PXN: variants seen among roughly 807,000 people sequenced by gnomAD.
PXN encodes testicular tissue protein Li 134.
A neutral mutation model predicts 103.6 loss-of-function variants in PXN; 61 were observed. That is an observed-to-expected ratio of 0.59 (90% confidence interval 0.48 to 0.73). PXN has a LOEUF of 0.73. Among genes scored for constraint, PXN ranks in the 30% least tolerant of loss-of-function variants. PXN has a pLI of 0.00. For missense variants in PXN, 1,274 were observed against 1,460.3 expected (o/e 0.87, Z 2.08); for synonymous variants, 562 against 607.8 (o/e 0.92, Z 1.11).
intron 1 of PXN, among the ~76,000 whole-genome samples, chr12:120,245,584 A>G (rs532675515): frequency 3.7e-4 from 56 of 151,918 alleles, no homozygotes; most frequent in African/African-American, 1.2e-3. Flanking sequence ...TCAGGAGATC[A>G]AGACCATCCT....
chr12:120,257,895 T>C (rs192831317), intron 1 of PXN, among the ~76,000 whole-genome samples: 230 of 152,260 alleles, frequency 1.5e-3, no homozygotes, highest in Middle Eastern at 3.4e-3. Flanking sequence ...CCCTGAATTA[T>C]GTAAAGCCTT....
Position 120,213,926 on chromosome 12 carries a change from C to A in PXN, c.2895G>T (p.Lys965Asn). ...RKDYFDMFAP[K>N]CGGCARAILE... ...GGATGGCCCGGGCGCAGCCGCCACA[C>A]TTGGGTGCGAACATGTCGAAGTAGT... The change falls in exon 14 of 15, where the codon AAG becomes AAT. Residue 965 changes from lysine to asparagine, a missense_variant. Around this residue, in one of 2 missense-constraint regions of PXN, gnomAD observed 1,178 missense variants for 1,309.0 expected, o/e 0.90. Coordinates refer to ENST00000637617, the MANE Select transcript of PXN (RefSeq NM_001385981.1). This position sits in a 1 kb window ranked among gnomAD's most constrained non-coding sequence, Gnocchi z 4.2. 1 of 1,612,426 alleles carries A rather than the reference C, an allele frequency of 6.2e-7. No individual in the cohort carries two copies. The highest frequency in any genetic ancestry group is 1.3e-5 in the African/African-American group (1 of 75,038).
At chr12:120,252,005 G>T (rs1055527554) in intron 1 of PXN, among the ~76,000 whole-genome samples, 1 of 152,108 alleles carries the variant, frequency 6.6e-6, no homozygotes, top group Non-Finnish European at 1.5e-5. Context: ...GGAGACCAAG[G>T]CTCAGAGTGT....
intron 1 of PXN, chr12:120,227,089 G>C: frequency 2.0e-6 from 2 of 986,042 alleles, no homozygotes; most frequent in South Asian, 9.3e-5. Context: ...TTTCTGGGTA[G>C]AATATGAGCA....
intron 1 of PXN, among the ~76,000 whole-genome samples, chr12:120,260,195 T>A (rs962238891): frequency 2.0e-5 from 3 of 152,132 alleles, no homozygotes; most frequent in Admixed American, 2.0e-4. Context: ...CTGCATCCCA[T>A]CCTGAGTGTG....
intron 1 of PXN, among the ~76,000 whole-genome samples, chr12:120,243,242 G>A (rs947116314): frequency 1.3e-5 from 2 of 152,170 alleles, no homozygotes; most frequent in Non-Finnish European, 2.9e-5. Context: ...TCTTCAACGA[G>A]AGGATAAAAA....
At chr12:120,261,706 T>C (rs1033439543) in intron 1 of PXN, among the ~76,000 whole-genome samples, 5 of 151,988 alleles carry the variant, frequency 3.3e-5, no homozygotes, top group African/African-American at 7.2e-5. Flanking sequence ...CAGCCAAGGG[T>C]ACACCCAGTC....
At chr12:120,233,085 T>C (rs1441151788) in intron 1 of PXN, among the ~76,000 whole-genome samples, 2 of 152,222 alleles carry the variant, frequency 1.3e-5, no homozygotes, top group African/African-American at 4.8e-5. Context: ...GGACTAGCAT[T>C]CGAATCCATG....
rs1363734218 is a variant in PXN, at chr12:120,224,386, A to G, written c.14-9T>C. 6.2e-7 allele frequency: 1 copy of G among 1,606,930 alleles called. No individual in the cohort carries two copies. The highest frequency in any genetic ancestry group is 1.1e-5 in the South Asian group (1 of 90,968). On this transcript the variant is annotated splice_polypyrimidine_tract_variant and intron_variant, in intron 1 of 14. Coordinates refer to ENST00000637617, the MANE Select transcript of PXN (RefSeq NM_001385981.1). The surrounding 1 kb of genome is among the most constrained non-coding windows in gnomAD (Gnocchi z 5.0). Reference sequence around the variant, plus strand: ...GTCCGCCAGCAGGGCGTCTGCAAAGAGAAGGCACGGGTAGCAGGTGAGAAC... The same window carrying G: ...GTCCGCCAGCAGGGCGTCTGCAAAGGGAAGGCACGGGTAGCAGGTGAGAAC...
rs750526833 is a variant in PXN, at chr12:120,214,936, C to T, written c.2637G>A (p.Glu879=). Residue 879 remains glutamate, a synonymous_variant, in exon 12 of 15, where the codon GAG becomes GAA. Transcript: ENST00000637617. The surrounding 1 kb of genome is among the most constrained non-coding windows in gnomAD (Gnocchi z 5.0). ...PEHFVCTHCQ[E]EIGSRNFFER... ...CGAAGAAGTTCCGGGATCCGATCTC[C>T]TCCTGGCAGTGGGTGCAGACGAAGT... is the stretch of plus-strand genomic sequence containing the variant. 18 of 1,614,018 alleles carry T rather than the reference C, an allele frequency of 1.1e-5. No homozygotes were observed. Among genetic ancestry groups the T allele is most frequent in the Non-Finnish European group, 3.4e-6 (4 of 1,179,862 alleles).
Position 120,219,701 on chromosome 12 carries a change from T to A in PXN, c.1222A>T (p.Ser408Cys). The change falls in exon 7 of 15, where the codon AGC becomes TGC. Residue 408 changes from serine (S) to cysteine (C), a missense_variant. Ser to Cys is a moderately radical substitution (Grantham distance 112, BLOSUM62 -1). This residue lies in a region of PXN where 1,178 missense variants were observed against 1,309.0 expected (regional missense o/e 0.90). Coordinates refer to ENST00000637617, the MANE Select transcript of PXN (RefSeq NM_001385981.1). The surrounding 1 kb of genome is among the most constrained non-coding windows in gnomAD (Gnocchi z 6.5). The stretch of plus-strand genomic sequence containing the variant: ...TCCCCAGGCTCTTGGAGAGCTGTGC[T>A]CCCAGCACAGGGTACAGTGTGGCAG... ...PRCHTVPCAG[S>C]TALQEPGEPQ... is the part of the protein sequence containing the mutation. 6.3e-7 allele frequency: 1 copy of A among 1,594,208 alleles called. No individual in the cohort carries two copies. Among genetic ancestry groups the A allele is most frequent in the Non-Finnish European group, 8.5e-7 (1 of 1,178,002 alleles).
Position 120,224,260 on chromosome 12 carries a change from G to A in PXN, c.131C>T (p.Ala44Val), listed in dbSNP as rs1226299021. ...GGGTGGGGGGACGGGGGGTGGCACGGCAATCTCCTGGTATGTGTGGTTTCC... is the reference window on the plus strand; with the variant it reads ...GGGTGGGGGGACGGGGGGTGGCACGACAATCTCCTGGTATGTGTGGTTTCC... ...PTGNHTYQEIAVPPPVPPPPS... is the reference protein window; with the variant it reads ...PTGNHTYQEIVVPPPVPPPPS... Residue 44 changes from alanine (A) to valine (V), a missense_variant, in exon 2 of 15, where the codon GCC becomes GTC. Ala to Val is a moderately conservative substitution (Grantham distance 64, BLOSUM62 0). Transcript: ENST00000637617. The surrounding 1 kb of genome is among the most constrained non-coding windows in gnomAD (Gnocchi z 5.0). 2 of 1,613,470 alleles carry A rather than the reference G, an allele frequency of 1.2e-6. No homozygotes were observed. Among genetic ancestry groups the A allele is most frequent in the East Asian group, 2.2e-5 (1 of 44,876 alleles).
At chr12:120,252,998 CAAAAA>C (rs1254384939) in intron 1 of PXN, among the ~76,000 whole-genome samples, 2 of 49,804 alleles carry the variant, frequency 4.0e-5, no homozygotes, top group East Asian at 1.0e-3. Flanking sequence ...GACTCTGTCT[CAAAAA>C]AAAAAAAAAA....
In PXN at chr12:120,222,852, C is replaced by A; in HGVS notation, c.493+11G>T. 1.9e-6 allele frequency: 3 copies of A among 1,613,110 alleles called. No individual in the cohort carries two copies. Among genetic ancestry groups the A allele is most frequent in the Non-Finnish European group, 2.5e-6 (3 of 1,179,440 alleles). On this transcript the variant is annotated intron_variant, in intron 4 of 14. Coordinates refer to ENST00000637617, the MANE Select transcript of PXN (RefSeq NM_001385981.1). The surrounding 1 kb of genome is among the most constrained non-coding windows in gnomAD (Gnocchi z 4.7). ...GCCCTGGTAGACCCTGCCCCAGGGACCCGGTCCTACCTGCAGGGAAGCCTG... is the reference window on the plus strand; with the variant it reads ...GCCCTGGTAGACCCTGCCCCAGGGAACCGGTCCTACCTGCAGGGAAGCCTG...
At position 120,213,344 on chromosome 12, in the gene PXN, C is replaced by T. The variant is rs1413565352; in HGVS notation, c.2979+498G>A. Among the ~76,000 whole-genome samples the T allele has an allele frequency of 2.6e-5, 4 of 152,172 alleles. No homozygotes were observed. Among genetic ancestry groups the T allele is most frequent in the Non-Finnish European group, 5.9e-5 (4 of 68,036 alleles). ...GCAGTCAGCCAAGATCGTGCCACTG[C>T]ACACCAGTCTGGGCAACAGAGTGAG... On this transcript the variant is annotated intron_variant, in intron 14 of 14. Coordinates refer to ENST00000637617, the MANE Select transcript of PXN (RefSeq NM_001385981.1). The surrounding 1 kb of genome is among the most constrained non-coding windows in gnomAD (Gnocchi z 4.2).
chr12:120,256,599 T>C (rs1264408608), intron 1 of PXN, among the ~76,000 whole-genome samples: 2 of 151,982 alleles, frequency 1.3e-5, no homozygotes, highest in African/African-American at 4.8e-5. Flanking sequence ...CGTGAGCAAA[T>C]AGAGGCCATC....
chr12:120,240,707 A>G (rs1566419006), intron 1 of PXN, among the ~76,000 whole-genome samples: 1 of 152,192 alleles, frequency 6.6e-6, no homozygotes, highest in Non-Finnish European at 1.5e-5. Context: ...CAGTGCTCCC[A>G]ATGACGCAAG....
At chr12:120,248,454 C>CACCCCCA (rs1891550633) in intron 1 of PXN, among the ~76,000 whole-genome samples, 1 of 151,064 alleles carries the variant, frequency 6.6e-6, no homozygotes, top group African/African-American at 2.4e-5. Flanking sequence ...TCAATTACTG[C>CACCCCCA]ACCCCCAAGC....
At chr12:120,254,298 G>A (rs1892663961) in intron 1 of PXN, among the ~76,000 whole-genome samples, 1 of 152,170 alleles carries the variant, frequency 6.6e-6, no homozygotes, top group South Asian at 2.1e-4. Context: ...CTAAGTAGCA[G>A]ATACACGAGA....
Sources: allele counts gnomAD v4.1 joint callset (sites outside exome capture counted in the v4.1 genomes callset), GRCh38; gene constraint gnomAD v4.1.1; regional missense constraint gnomAD v4.1.1; non-coding constraint Gnocchi (gnomAD v3.1); transcripts MANE v1.5; gene names NCBI Gene and HGNC (gene_info 2026-07-23, HGNC 2026-07-21).